Variants in CENPL observed in about 807,000 individuals in gnomAD.
The protein encoded by CENPL is centromere protein L, also known as interphase centromere complex protein 33.
CENPL carries 20 observed loss-of-function variants against 35.2 expected under a neutral mutation model. That is an observed-to-expected ratio of 0.57 (90% confidence interval 0.40 to 0.83). The LOEUF (loss-of-function observed/expected upper bound fraction) is 0.83. Ranked by LOEUF, CENPL falls within the 40% of genes least tolerant of loss-of-function variation. CENPL has a pLI of 0.00. For missense variants in CENPL, 363 were observed against 395.8 expected (o/e 0.92, Z 0.70); for synonymous variants, 140 against 140.6 (o/e 1.00, Z 0.03).
chr1:173,817,971 A>T (rs1651572943), intron 2 of CENPL, among the ~76,000 whole-genome samples: 1 of 152,124 alleles, frequency 6.6e-6, no homozygotes, highest in Non-Finnish European at 1.5e-5. Flanking sequence ...AATTGGACAC[A>T]GGGCGGGGAA....
At chr1:173,806,697 A>AT (rs200190200) in intron 4 of CENPL, 1,889 of 173,178 alleles carry the variant, frequency 0.011, 129 homozygotes, top group Admixed American at 0.1. Context: ...TATTTATTGT[A>AT]TTTTTTGTAG....
chr1:173,817,295 A>T (rs1336766964), intron 2 of CENPL, among the ~76,000 whole-genome samples: 1 of 152,226 alleles, frequency 6.6e-6, no homozygotes, highest in African/African-American at 2.4e-5. Context: ...AAAGGACTTA[A>T]ACAAATTTAC....
rs200775913 is a variant in CENPL at position 173,807,538 on chromosome 1, C to T, written c.169-20G>A. The T allele has an allele frequency of 5.8e-4, 855 of 1,477,950 alleles. 1 individual carries two copies. Among genetic ancestry groups the T allele is most frequent in the Non-Finnish European group, 7.5e-4 (832 of 1,105,860 alleles). The allele number at this position is 1,477,950 out of a possible 1,614,324, so 91.6% of individuals were successfully genotyped here. A position where few individuals can be genotyped will look rare whatever the true frequency, so the allele number is the denominator to read the frequency against. On this transcript the variant is annotated intron_variant, in intron 3 of 5. Transcript: ENST00000682279. ...ATCTTCCTATAAAAAAAAATCAAGA[C>T]AAAAGAAGTTTAAGAATTAGGAAAC...
chr1:173,811,082 C>A, intron 3 of CENPL, 50 bp downstream of exon 3: 1 of 1,532,824 alleles, frequency 6.5e-7, no homozygotes, highest in South Asian at 1.2e-5. Context: ...ATGTTTTGTT[C>A]ACAGATATTC....
rs534445036 is a variant in CENPL, at chr1:173,814,400, C to A, written c.-7-3094G>T. On this transcript the variant is annotated intron_variant, in intron 2 of 5. Transcript: ENST00000682279. ...TATACATTCTTCTCACCACCACATCCCACTTATTCTAAAATTGACCACATA... is the reference window on the plus strand; with the variant it reads ...TATACATTCTTCTCACCACCACATCACACTTATTCTAAAATTGACCACATA... Among the ~76,000 whole-genome samples, 6 of 152,184 alleles carry A rather than the reference C, an allele frequency of 3.9e-5. No homozygotes were observed. The South Asian group carries it at 8.3e-4, about 21-fold the overall frequency.
rs1183853749 is a variant in CENPL, at chr1:173,806,583, C to CA, written c.420+683dup. 2 of 288,962 alleles carry CA rather than the reference C, an allele frequency of 6.9e-6. 1 individual carries two copies. The highest frequency in any genetic ancestry group is 5.2e-5 in the South Asian group (2 of 38,578). 17.9% of individuals were successfully genotyped at this position (288,962 alleles called of 1,614,324 possible). ...TGGGTGACAAAATGAGACCCTGTCT[C>CA]AAAAAAATAAAATAAAATAAAATAA... On this transcript the variant is annotated intron_variant, in intron 4 of 5. Transcript: ENST00000682279.
At chr1:173,808,523 T>C (rs955924170) in intron 3 of CENPL, 2 of 151,984 alleles carry the variant, frequency 1.3e-5, no homozygotes, top group East Asian at 1.9e-4. Context: ...TCTCAGTTGA[T>C]TGTTCACAAT....
intron 3 of CENPL, chr1:173,808,757 T>A (rs2102579844): frequency 6.6e-6 from 1 of 152,184 alleles, no homozygotes; most frequent in South Asian, 2.1e-4. Context: ...ATTAAAGACT[T>A]AAATGTAAAA....
chr1:173,820,477 C>G (rs1157136071), intron 2 of CENPL, among the ~76,000 whole-genome samples: 21 of 152,118 alleles, frequency 1.4e-4, no homozygotes, highest in Admixed American at 1.4e-3. Context: ...GATCACACCA[C>G]TGCACTTTAG....
At chr1:173,805,953 CA>C (rs1420612471) in intron 4 of CENPL, among the ~76,000 whole-genome samples, 1 of 152,126 alleles carries the variant, frequency 6.6e-6, no homozygotes, top group African/African-American at 2.4e-5. Context: ...TGACCTATAT[CA>C]GGGGTCAGCA....
chr1:173,813,979 A>G (rs1273204511), intron 2 of CENPL, among the ~76,000 whole-genome samples: 19 of 152,164 alleles, frequency 1.2e-4, no homozygotes, highest in Admixed American at 1.2e-3. Flanking sequence ...GAGATAGAGG[A>G]AGATCTACCA....
chr1:173,819,385 G>A (rs535925968), intron 2 of CENPL, among the ~76,000 whole-genome samples: 1 of 152,306 alleles, frequency 6.6e-6, no homozygotes, highest in South Asian at 2.1e-4. Flanking sequence ...GCAGTCAGAA[G>A]TTTGAGACCA....
intron 5 of CENPL, among the ~76,000 whole-genome samples, chr1:173,801,107 T>C (rs1649709197): frequency 6.6e-6 from 1 of 152,222 alleles, no homozygotes; most frequent in African/African-American, 2.4e-5. Context: ...TATTGACTTA[T>C]TGGATCTACG....
chr1:173,806,860 G>C (rs555466229), intron 4 of CENPL, among the ~76,000 whole-genome samples: 1 of 151,906 alleles, frequency 6.6e-6, no homozygotes, highest in Non-Finnish European at 1.5e-5. Flanking sequence ...CTGGCATGAA[G>C]TATCACAAAA....
In CENPL at chr1:173,824,025, G is replaced by GAA. The variant is rs397965847; in HGVS notation, c.-101-8_-101-7dup. 2.7e-4 allele frequency: 33 copies of GAA among 120,576 alleles called. No homozygotes were observed. Among genetic ancestry groups the GAA allele is most frequent in the Admixed American group, 7.6e-4 (9 of 11,878 alleles). The allele number at this position is 120,576 out of a possible 1,614,324, so 7.5% of individuals were successfully genotyped here. On this transcript the variant is annotated splice_region_variant and splice_polypyrimidine_tract_variant and intron_variant, in intron 1 of 5. Coordinates refer to ENST00000682279, the MANE Select transcript of CENPL (RefSeq NM_001387287.1). ...TATGTGGAGACTGAAATCCCCTGAA[G>GAA]AAAAAAAAAAAAAACCGCCAAAATG...
At chr1:173,801,655 T>C (rs1649762709) in intron 5 of CENPL, among the ~76,000 whole-genome samples, 1 of 151,356 alleles carries the variant, frequency 6.6e-6, no homozygotes. Context: ...ACCTCATCTC[T>C]ACTAAAAATA....
intron 2 of CENPL, among the ~76,000 whole-genome samples, chr1:173,813,909 G>T (rs1409749833): frequency 6.6e-6 from 1 of 152,108 alleles, no homozygotes; most frequent in Non-Finnish European, 1.5e-5. Context: ...AGACCCATCA[G>T]TGTGCTGTAT....
chr1:173,810,680 G>T (rs1472762522), intron 3 of CENPL, among the ~76,000 whole-genome samples: 1 of 152,172 alleles, frequency 6.6e-6, no homozygotes, highest in East Asian at 1.9e-4. Flanking sequence ...CAACACTTGG[G>T]GAGGCTGAGG....
chr1:173,810,318 C>T (rs922045872), intron 3 of CENPL, among the ~76,000 whole-genome samples: 1 of 151,964 alleles, frequency 6.6e-6, no homozygotes, highest in East Asian at 1.9e-4. Context: ...GATGAGAACA[C>T]ATGGAAACAT....
Sources: allele counts gnomAD v4.1 joint callset (sites outside exome capture counted in the v4.1 genomes callset), GRCh38; gene constraint gnomAD v4.1.1; transcripts MANE v1.5; gene names NCBI Gene and HGNC (gene_info 2026-07-23, HGNC 2026-07-21).